The following MAPRE3 variants were observed in gnomAD, a reference collection of about 807,000 sequenced individuals.
MAPRE3 encodes the protein microtubule associated protein RP/EB family member 3, also known as microtubule-associated protein RP/EB family member 3.
In MAPRE3, 2 loss-of-function variants were observed where a neutral mutation model predicts 30.5. That is an observed-to-expected ratio of 0.07 (90% CI 0.03 to 0.21). The LOEUF (loss-of-function observed/expected upper bound fraction) is 0.21. Among genes scored for constraint, MAPRE3 ranks in the 10% least tolerant of loss-of-function variants. MAPRE3 has a pLI of 1.00. For missense variants in MAPRE3, 204 were observed against 351.8 expected (o/e 0.58, Z 3.36); for synonymous variants, 110 against 127.7 (o/e 0.86, Z 0.93).
intron 1 of MAPRE3, among the ~76,000 whole-genome samples, chr2:27,021,123 T>C (rs1484693320): frequency 6.6e-6 from 1 of 152,224 alleles, no homozygotes; most frequent in Non-Finnish European, 1.5e-5. Flanking sequence ...ATTTAAATCA[T>C]ACAGGAGGAT....
chr2:27,009,309 T>C (rs1666799307), intron 1 of MAPRE3, among the ~76,000 whole-genome samples: 1 of 152,184 alleles, frequency 6.6e-6, no homozygotes, highest in Non-Finnish European at 1.5e-5. Flanking sequence ...GCTGGATGAG[T>C]AGACATGAAA....
chr2:27,021,546 A>G (rs1667110531), intron 1 of MAPRE3, among the ~76,000 whole-genome samples: 1 of 152,238 alleles, frequency 6.6e-6, no homozygotes, highest in Non-Finnish European at 1.5e-5. Context: ...CTGGCTTTCT[A>G]AAACACAAAT....
At chr2:27,021,052 G>A (rs1667101439) in intron 1 of MAPRE3, among the ~76,000 whole-genome samples, 1 of 152,114 alleles carries the variant, frequency 6.6e-6, no homozygotes, top group African/African-American at 2.4e-5. Flanking sequence ...AAACAATACA[G>A]TATAACAACT....
At chr2:26,993,018 C>T (rs1666378935) in intron 1 of MAPRE3, among the ~76,000 whole-genome samples, 1 of 152,180 alleles carries the variant, frequency 6.6e-6, no homozygotes, top group Non-Finnish European at 1.5e-5. Flanking sequence ...TCCCACTTTT[C>T]CTTTCTCTGG....
chr2:27,004,055 A>C (rs151078520), intron 1 of MAPRE3, among the ~76,000 whole-genome samples: 1 of 152,324 alleles, frequency 6.6e-6, no homozygotes, highest in East Asian at 1.9e-4. Flanking sequence ...GTCATCTGTC[A>C]AGAGGCTCTG....
At chr2:27,022,567 C>T (rs529126170) in intron 2 of MAPRE3, 158 of 511,182 alleles carry the variant, frequency 3.1e-4, no homozygotes, top group African/African-American at 2.8e-3. Context: ...ATGGTATAGC[C>T]TACTACTCCT....
At chr2:27,023,691 T>C (rs1167373892) in intron 3 of MAPRE3, 2 of 580,830 alleles carry the variant, frequency 3.4e-6, no homozygotes, top group Non-Finnish European at 6.2e-6. Flanking sequence ...TTCCTTTCCC[T>C]TCCTCCTCTC....
Position 26,976,280 on chromosome 2 carries a change from G to A in MAPRE3, c.-8+5478G>A, listed in dbSNP as rs752933046. Among the ~76,000 whole-genome samples the A allele has an allele frequency of 9.2e-5, 14 of 152,236 alleles. 1 individual carries two copies. The highest frequency in any genetic ancestry group is 2.9e-4 in the African/African-American group (12 of 41,536). Reference sequence around the variant, plus strand: ...GGATTGTTCAGCTTTTAATTTTGTCGTAAGTTGGCCAGCTGTATTTTCTAG... The same window carrying A: ...GGATTGTTCAGCTTTTAATTTTGTCATAAGTTGGCCAGCTGTATTTTCTAG... On this transcript the variant is annotated intron_variant, in intron 1 of 6. Transcript: ENST00000233121.
At chr2:27,022,867 G>C (rs546842976) in intron 2 of MAPRE3, 60 of 167,048 alleles carry the variant, frequency 3.6e-4, no homozygotes, top group African/African-American at 1.3e-3. Flanking sequence ...AGCAGGGAAA[G>C]AGAAGAGCAG....
At chr2:26,995,821 G>GTGTGTGTGTGTGTGTGTA (rs1572753306) in intron 1 of MAPRE3, among the ~76,000 whole-genome samples, 1 of 150,004 alleles carries the variant, frequency 6.7e-6, no homozygotes, top group Admixed American at 6.6e-5. Context: ...GTGTGTGTGT[G>GTGTGTGTGTGTGTGTGTA]TGTGTGTGTA....
intron 1 of MAPRE3, among the ~76,000 whole-genome samples, chr2:26,988,900 A>G (rs1666271933): frequency 6.6e-6 from 1 of 152,164 alleles, no homozygotes; most frequent in Non-Finnish European, 1.5e-5. Context: ...CCCAAAGCCA[A>G]AAGTGGCCCC....
rs1187876522 is a variant in MAPRE3 at position 26,987,928 on chromosome 2, C to T, written c.-8+17126C>T. The stretch of plus-strand genomic sequence containing the variant: ...TTAATTCTGCTTCAGCTCTTCTTTT[C>T]ATAACACAAAGGTCTGAGACTCCAA... On this transcript the variant is annotated intron_variant, in intron 1 of 6. Coordinates refer to ENST00000233121, the MANE Select transcript of MAPRE3 (RefSeq NM_012326.4). Among the ~76,000 whole-genome samples, 3 of 152,220 alleles carry T rather than the reference C, an allele frequency of 2.0e-5. No individual in the cohort carries two copies. In the East Asian group the frequency reaches 5.8e-4, roughly 29 times the overall value.
intron 1 of MAPRE3, among the ~76,000 whole-genome samples, chr2:26,984,537 TGGGTG>T (rs750418821): frequency 8.5e-4 from 129 of 152,344 alleles, no homozygotes; most frequent in Middle Eastern, 3.4e-3. Flanking sequence ...GGGGGTGGTT[TGGGTG>T]GGCTTTAGCA....
intron 4 of MAPRE3, 39 bp downstream of exon 4, chr2:27,024,336 G>T: frequency 1.3e-6 from 2 of 1,583,692 alleles, no homozygotes; most frequent in South Asian, 2.3e-5. Flanking sequence ...GTGGGGGGCC[G>T]GGCCGGCAGG....
At chr2:27,023,835 A>G (rs1466451023) in intron 3 of MAPRE3, 18 of 513,190 alleles carry the variant, frequency 3.5e-5, no homozygotes, top group African/African-American at 5.7e-5. Flanking sequence ...CCCAGCCCAC[A>G]CGCAGGCAGT....
At chr2:26,974,108 A>C (rs1665969044) in intron 1 of MAPRE3, among the ~76,000 whole-genome samples, 1 of 152,202 alleles carries the variant, frequency 6.6e-6, no homozygotes, top group African/African-American at 2.4e-5. Context: ...AGGCAGATGA[A>C]TGTTGGTGGT....
At chr2:27,023,884 G>C in intron 3 of MAPRE3, 1 of 554,156 alleles carries the variant, frequency 1.8e-6, no homozygotes, top group South Asian at 2.1e-5. Context: ...TCTTCCACAC[G>C]GTGCCTGTAG....
intron 1 of MAPRE3, among the ~76,000 whole-genome samples, chr2:27,021,844 C>T (rs2053386): frequency 0.57 from 86,904 of 152,018 alleles, 25,555 homozygotes; most frequent in East Asian, 0.76. Flanking sequence ...CATCTCTGCT[C>T]TGAAGCCTTC....
At chr2:26,995,825 G>GTGTGTGTGTGTGTA (rs1473997599) in intron 1 of MAPRE3, among the ~76,000 whole-genome samples, 220 of 149,222 alleles carry the variant, frequency 1.5e-3, no homozygotes, top group East Asian at 0.012. Flanking sequence ...GTGTGTGTGT[G>GTGTGTGTGTGTGTA]TGTGTATGTG....
Sources: gnomAD v4.1 joint callset for allele counts (sites outside exome capture counted in the v4.1 genomes callset) on GRCh38, gnomAD v4.1.1 for gene constraint, MANE v1.5 for transcripts, NCBI Gene and HGNC (gene_info 2026-07-23, HGNC 2026-07-21) for gene names.